The following RBFOX1 variants were observed in gnomAD, a reference collection of about 807,000 sequenced individuals.
The protein encoded by RBFOX1 is RNA binding fox-1 homolog 1.
A neutral mutation model predicts 57.7 loss-of-function variants in RBFOX1; 8 were observed. The observed-to-expected ratio is 0.14, with a 90% CI of 0.08 to 0.25. The LOEUF (loss-of-function observed/expected upper bound fraction) is 0.25. Among genes scored for constraint, RBFOX1 ranks in the 10% least tolerant of loss-of-function variants. The pLI, the probability that RBFOX1 is intolerant of heterozygous loss-of-function variation, is 1.00. For missense variants in RBFOX1, 611 were observed against 548.5 expected, an observed-to-expected ratio of 1.11 and a Z score of -1.14; for synonymous variants, 326 against 222.4, an observed-to-expected ratio of 1.47 and a Z score of -4.15.
At chr16:7,349,349 A>G (rs965453053) in intron 4 of RBFOX1, among the ~76,000 whole-genome samples, 1 of 152,102 alleles carries the variant, frequency 6.6e-6, no homozygotes, top group African/African-American at 2.4e-5. Context: ...TTTTCAATTT[A>G]AGTGACTTCG....
rs559065666 is a variant in RBFOX1, at chr16:7,222,172, A to G, written c.27+170074A>G. 4.1e-5 allele frequency among the ~76,000 whole-genome samples: 6 copies of G among 146,624 alleles called. No homozygotes were observed. In the East Asian group the frequency reaches 1.2e-3, roughly 30 times the overall value. On this transcript the variant is annotated intron_variant, in intron 4 of 15. Transcript: ENST00000550418. ...TCAAAAGCCCAGCCTGAAGTAAGAC[A>G]GTGCCATAGACACGACCACACCAGA...
chr16:6,634,098 C>T (rs1041178480), intron 2 of RBFOX1, among the ~76,000 whole-genome samples: 2 of 152,072 alleles, frequency 1.3e-5, no homozygotes, highest in African/African-American at 4.8e-5. Context: ...CATACACATA[C>T]ACATACACAC....
intron 3 of RBFOX1, among the ~76,000 whole-genome samples, chr16:6,988,433 T>C (rs2090758893): frequency 6.6e-6 from 1 of 152,224 alleles, no homozygotes; most frequent in Non-Finnish European, 1.5e-5. Context: ...TGAAAGTGTT[T>C]TAAATAGCTC....
At chr16:5,744,408 C>G (rs184695869) in intron 3 of RBFOX1, among the ~76,000 whole-genome samples, 1 of 152,168 alleles carries the variant, frequency 6.6e-6, no homozygotes, top group East Asian at 1.9e-4. Context: ...ACTTTAGATT[C>G]TTCTTAGGCA....
At chr16:7,001,619 G>A (rs1013728696) in intron 3 of RBFOX1, among the ~76,000 whole-genome samples, 2 of 151,964 alleles carry the variant, frequency 1.3e-5, no homozygotes, top group Admixed American at 1.3e-4. Context: ...ATCACACCCT[G>A]CTAATTTTTG....
chr16:5,938,418 T>C (rs2059210795), intron 4 of RBFOX1, among the ~76,000 whole-genome samples: 2 of 152,310 alleles, frequency 1.3e-5, no homozygotes, highest in African/African-American at 4.8e-5. Context: ...AATATTAAAA[T>C]TACTAGGCTG....
intron 2 of RBFOX1, among the ~76,000 whole-genome samples, chr16:6,611,611 A>G (rs1420943829): frequency 6.6e-6 from 1 of 152,192 alleles, no homozygotes; most frequent in Non-Finnish European, 1.5e-5. Context: ...CCGCTGTTCA[A>G]GGAAACTGCC....
intron 5 of RBFOX1, among the ~76,000 whole-genome samples, chr16:7,529,777 G>C (rs1322878683): frequency 2.0e-5 from 3 of 152,110 alleles, no homozygotes; most frequent in Admixed American, 6.5e-5. Context: ...GGGAGGCTGA[G>C]ACGGGCAGAT....
intron 2 of RBFOX1, among the ~76,000 whole-genome samples, chr16:6,337,710 C>G (rs2083962405): frequency 6.6e-6 from 1 of 152,132 alleles, no homozygotes; most frequent in African/African-American, 2.4e-5. Context: ...CTTGGCAAAA[C>G]ACATCTTTAT....
intron 2 of RBFOX1, among the ~76,000 whole-genome samples, chr16:5,572,612 C>T (rs1306767338): frequency 1.3e-5 from 2 of 152,190 alleles, no homozygotes; most frequent in East Asian, 1.9e-4. Context: ...AACCCCTGAT[C>T]TGTGCAGCGG....
At chr16:5,939,683 G>C (rs1056617420) in intron 4 of RBFOX1, among the ~76,000 whole-genome samples, 14 of 152,116 alleles carry the variant, frequency 9.2e-5, no homozygotes, top group Non-Finnish European at 1.6e-4. Flanking sequence ...ACTCAAGGGA[G>C]GTGGTGGCTC....
At chr16:5,990,592 G>C (rs1054402297) in intron 4 of RBFOX1, among the ~76,000 whole-genome samples, 14 of 152,302 alleles carry the variant, frequency 9.2e-5, no homozygotes, top group Admixed American at 9.2e-4. Flanking sequence ...CAAGCCCATG[G>C]ACTATAGCTT....
At chr16:5,384,590 T>G (rs1157587569) in intron 1 of RBFOX1, among the ~76,000 whole-genome samples, 1 of 152,056 alleles carries the variant, frequency 6.6e-6, no homozygotes, top group Non-Finnish European at 1.5e-5. Flanking sequence ...TGAATATGAC[T>G]CCAAAGGTGA....
At chr16:5,309,973 T>C (rs2064040306) in intron 1 of RBFOX1, among the ~76,000 whole-genome samples, 1 of 152,246 alleles carries the variant, frequency 6.6e-6, no homozygotes, top group South Asian at 2.1e-4. Flanking sequence ...TGTTCCTCTC[T>C]GTACACTGTG....
At chr16:6,431,951 T>TTCTTTCTC (rs2094111511) in intron 2 of RBFOX1, among the ~76,000 whole-genome samples, 4 of 145,498 alleles carry the variant, frequency 2.7e-5, no homozygotes, top group Admixed American at 2.7e-4. Flanking sequence ...CTTTCTTTCT[T>TTCTTTCTC]TCTTTCTTTC....
At chr16:7,129,825 A>AGATGGAT (rs1379285419) in intron 4 of RBFOX1, among the ~76,000 whole-genome samples, 2 of 108,020 alleles carry the variant, frequency 1.9e-5, no homozygotes, top group African/African-American at 3.7e-5. Context: ...TTAGACAGAT[A>AGATGGAT]GATGGATGAT....
Position 7,606,057 on chromosome 16 carries a change from T to C in RBFOX1, c.623-1228T>C, listed in dbSNP as rs535309026. On this transcript the variant is annotated intron_variant, in intron 9 of 15. Coordinates refer to ENST00000550418, the MANE Select transcript of RBFOX1 (RefSeq NM_018723.4). The stretch of plus-strand genomic sequence containing the variant: ...AACTCCCAACCTCAAGTAACCTGCC[T>C]GCCTTGGCCTCTCAAAGTGGTAGGA... Among the ~76,000 whole-genome samples, 78 of 151,932 alleles carry C rather than the reference T, an allele frequency of 5.1e-4. 1 individual carries two copies. Among genetic ancestry groups the C allele is most frequent in the Non-Finnish European group, 9.9e-4 (67 of 67,968 alleles).
At position 6,816,569 on chromosome 16, in the gene RBFOX1, G is replaced by C. The variant is rs998748709; in HGVS notation, c.-16+161919G>C. On this transcript the variant is annotated intron_variant, in intron 3 of 15. Coordinates refer to ENST00000550418, the MANE Select transcript of RBFOX1 (RefSeq NM_018723.4). ...ATCCTGGCTAACACAGTGAAACCCC[G>C]TCTCTACTAAAAATACAAAAATTAG... Among the ~76,000 whole-genome samples the C allele has an allele frequency of 3.3e-5, 5 of 151,458 alleles. No homozygotes were observed. The South Asian group carries it at 1.0e-3, about 32-fold the overall frequency.
chr16:5,647,730 G>T (rs2049099280), intron 3 of RBFOX1, among the ~76,000 whole-genome samples: 1 of 152,204 alleles, frequency 6.6e-6, no homozygotes, highest in South Asian at 2.1e-4. Flanking sequence ...GTTCAAGGCT[G>T]CATTCTTCCC....
Sources: allele counts gnomAD v4.1 joint callset (sites outside exome capture counted in the v4.1 genomes callset), GRCh38; gene constraint gnomAD v4.1.1; transcripts MANE v1.5; gene names NCBI Gene and HGNC (gene_info 2026-07-23, HGNC 2026-07-21).